Variants in PCDHGA2 observed in about 807,000 individuals in gnomAD.
The protein encoded by PCDHGA2 is protocadherin gamma-A2.
In PCDHGA2, 40 loss-of-function variants were observed where a neutral mutation model predicts 59.2. That is an observed-to-expected ratio of 0.68 (90% CI 0.52 to 0.88). PCDHGA2 has a LOEUF of 0.88. PCDHGA2 is among the 40% of genes least tolerant of loss of function. The pLI, the probability that PCDHGA2 is intolerant of heterozygous loss-of-function variation, is 0.00. For missense variants in PCDHGA2, 1,226 were observed against 1,204.0 expected (o/e 1.02, Z -0.27); for synonymous variants, 560 against 526.0 (o/e 1.06, Z -0.89).
In PCDHGA2 at chr5:141,413,469, G is replaced by A. The variant is rs766765319; in HGVS notation, c.2424+72074G>A. 5 of 1,614,012 alleles carry A rather than the reference G, an allele frequency of 3.1e-6. No individual in the cohort carries two copies. The African/African-American group carries it at 5.3e-5, about 17-fold the overall frequency. On this transcript the variant is annotated intron_variant, in intron 1 of 3. Transcript: ENST00000394576. ...CCGCGGGCAGGATAGACCGGGAGGA[G>A]CTCTGCGCTCAGAGCGCGCGGTGCG...
At chr5:141,423,448 T>A (rs780751840) in intron 1 of PCDHGA2, 1 of 1,613,992 alleles carries the variant, frequency 6.2e-7, no homozygotes, top group East Asian at 2.2e-5. Context: ...CACGTCACAT[T>A]TTGTAGGCGT....
intron 1 of PCDHGA2, chr5:141,355,219 C>T: frequency 6.2e-7 from 1 of 1,605,766 alleles, no homozygotes; most frequent in Non-Finnish European, 8.5e-7. Flanking sequence ...GCCTCCTGCT[C>T]GCCCAGACCA....
chr5:141,345,216 GA>G, intron 1 of PCDHGA2: 1 of 1,613,940 alleles, frequency 6.2e-7, no homozygotes, highest in Non-Finnish European at 8.5e-7. Context: ...ATTTAAGTTA[GA>G]AAAATCAATA....
chr5:141,408,309 C>G, intron 1 of PCDHGA2: 1 of 1,613,816 alleles, frequency 6.2e-7, no homozygotes, highest in South Asian at 1.1e-5. Context: ...ATCCGCTACT[C>G]GATTCCGGAG....
chr5:141,401,641 A>C (rs557366973), intron 1 of PCDHGA2, among the ~76,000 whole-genome samples: 1 of 152,374 alleles, frequency 6.6e-6, no homozygotes, highest in African/African-American at 2.4e-5. Context: ...GGAGCTTTAA[A>C]TATAAATGAC....
chr5:141,495,470 C>A (rs2099761615), intron 2 of PCDHGA2, among the ~76,000 whole-genome samples: 1 of 152,196 alleles, frequency 6.6e-6, no homozygotes, highest in African/African-American at 2.4e-5. Flanking sequence ...GTGGGGTCTC[C>A]GTGTCTCTGC....
At chr5:141,366,773 G>A (rs1474826624) in intron 1 of PCDHGA2, 3 of 1,595,414 alleles carry the variant, frequency 1.9e-6, no homozygotes, top group Non-Finnish European at 2.6e-6. Context: ...CTTTCGGTAA[G>A]GATGACCAGA....
chr5:141,414,793 G>A lies in PCDHGA2; in HGVS notation c.2424+73398G>A, dbSNP rs756653393. On this transcript the variant is annotated intron_variant, in intron 1 of 3. Transcript: ENST00000394576. ...GCTACAGATGCAGGTGACAGCCAGCGACAGCGGGGATCCTCCACTCAGCAG... is the reference window on the plus strand; with the variant it reads ...GCTACAGATGCAGGTGACAGCCAGCAACAGCGGGGATCCTCCACTCAGCAG... 2.5e-6 allele frequency: 4 copies of A among 1,614,100 alleles called. No individual in the cohort carries two copies. The African/African-American group carries it at 4.0e-5, about 16-fold the overall frequency.
At chr5:141,419,155 A>G in intron 1 of PCDHGA2, 1 of 1,613,966 alleles carries the variant, frequency 6.2e-7, no homozygotes, top group Middle Eastern at 1.6e-4. Context: ...AGCCTCCGTT[A>G]TCCTCCAGCA....
At chr5:141,346,449 C>A in intron 1 of PCDHGA2, 1 of 1,614,252 alleles carries the variant, frequency 6.2e-7, no homozygotes, top group Non-Finnish European at 8.5e-7. Flanking sequence ...AGATTCCAAC[C>A]TACTTCAGGT....
chr5:141,415,045 G>T, intron 1 of PCDHGA2: 1 of 1,613,538 alleles, frequency 6.2e-7, no homozygotes, highest in East Asian at 2.2e-5. Context: ...CTTCGCGGTG[G>T]GGGAGCACAC....
chr5:141,481,475 C>T (rs1423011632), intron 1 of PCDHGA2, among the ~76,000 whole-genome samples: 1 of 152,200 alleles, frequency 6.6e-6, no homozygotes, highest in Non-Finnish European at 1.5e-5. Context: ...TTGGATTATA[C>T]ACTTTAAATA....
intron 1 of PCDHGA2, among the ~76,000 whole-genome samples, chr5:141,382,119 C>T (rs919282723): frequency 2.0e-5 from 3 of 152,112 alleles, no homozygotes; most frequent in Non-Finnish European, 4.4e-5. Flanking sequence ...TGAGCAACAG[C>T]ACCTGGCCCC....
chr5:141,395,129 G>C (rs2093179899), intron 1 of PCDHGA2: 1 of 1,614,182 alleles, frequency 6.2e-7, no homozygotes, highest in African/African-American at 1.3e-5. Context: ...TCTTTCCCCA[G>C]CCCAACTACG....
chr5:141,356,677 G>A (rs759254327), intron 1 of PCDHGA2: 78 of 1,613,980 alleles, frequency 4.8e-5, no homozygotes, highest in Middle Eastern at 1.6e-4. Flanking sequence ...CTCCCTGGCC[G>A]AAGACACCTT....
chr5:141,404,314 A>G (rs772060934), intron 1 of PCDHGA2: 1 of 1,613,922 alleles, frequency 6.2e-7, no homozygotes, highest in East Asian at 2.2e-5. Context: ...CTTTCTCTCA[A>G]GCCTCCTACT....
At chr5:141,372,320 G>A (rs924868595) in intron 1 of PCDHGA2, 2 of 1,613,612 alleles carry the variant, frequency 1.2e-6, no homozygotes, top group Non-Finnish European at 1.7e-6. Context: ...GCCAGCGCCT[G>A]CTGGTCACTG....
chr5:141,416,745 C>T (rs186830862), intron 1 of PCDHGA2: 5 of 152,194 alleles, frequency 3.3e-5, no homozygotes, highest in South Asian at 2.1e-4. Flanking sequence ...AAAATAGTGA[C>T]GTATTAGGTA....
intron 1 of PCDHGA2, chr5:141,409,039 C>G: frequency 1.9e-6 from 3 of 1,614,004 alleles, no homozygotes; most frequent in Non-Finnish European, 1.7e-6. Flanking sequence ...AGATAAACTA[C>G]TACTTCCGAA....
Sources: allele counts gnomAD v4.1 joint callset (sites outside exome capture counted in the v4.1 genomes callset), GRCh38; gene constraint gnomAD v4.1.1; transcripts MANE v1.5; gene names NCBI Gene and HGNC (gene_info 2026-07-23, HGNC 2026-07-21).